Variants in DCP2 observed in about 807,000 individuals in gnomAD.
The protein encoded by DCP2 is m7GpppN-mRNA hydrolase.
DCP2 carries 30 observed loss-of-function variants against 56.1 expected under a neutral mutation model. The ratio of observed to expected loss-of-function variants is 0.53; its 90% CI spans 0.40 to 0.73. DCP2 has a LOEUF of 0.73. DCP2 is among the 30% of genes least tolerant of loss of function. The pLI is 0.00. For synonymous variants in DCP2, 197 were observed against 163.3 expected, an observed-to-expected ratio of 1.21 and a Z score of -1.57; for missense variants, 533 against 502.7, an observed-to-expected ratio of 1.06 and a Z score of -0.58.
intron 7 of DCP2, among the ~76,000 whole-genome samples, chr5:113,002,161 G>T (rs1173858803): frequency 6.6e-6 from 1 of 152,146 alleles, no homozygotes. Flanking sequence ...AGTGGCTCAC[G>T]CCTGTAATTC....
chr5:113,008,789 A>G (rs1464132281), intron 9 of DCP2, among the ~76,000 whole-genome samples: 2 of 152,144 alleles, frequency 1.3e-5, no homozygotes, highest in African/African-American at 4.8e-5. Flanking sequence ...ATCTTAGTAG[A>G]TGATTAAAAG....
chr5:113,000,346 G>A (rs908182709), intron 4 of DCP2, among the ~76,000 whole-genome samples: 1 of 151,172 alleles, frequency 6.6e-6, no homozygotes, highest in Non-Finnish European at 1.5e-5. Flanking sequence ...GAGATTGCAG[G>A]TGTGAGCCAC....
chr5:112,980,470 G>C (rs947052599), intron 1 of DCP2, among the ~76,000 whole-genome samples: 1 of 152,158 alleles, frequency 6.6e-6, no homozygotes, highest in African/African-American at 2.4e-5. Context: ...TAGGAACACT[G>C]AGAAAATAAC....
At chr5:112,997,846 C>T (rs150574724) in intron 4 of DCP2, among the ~76,000 whole-genome samples, 2,018 of 152,204 alleles carry the variant, frequency 0.013, 51 homozygotes, top group African/African-American at 0.046. Flanking sequence ...AACTCCTGAC[C>T]TCGTGATCCA....
chr5:113,001,496 C>G (rs1561698583), intron 6 of DCP2, 27 bp downstream of exon 6: 1 of 1,606,264 alleles, frequency 6.2e-7, no homozygotes, highest in East Asian at 2.2e-5. Context: ...TGAAATGTAA[C>G]TTTCATGATT....
chr5:112,982,975 G>C (rs1260770612), intron 1 of DCP2, among the ~76,000 whole-genome samples: 8 of 152,076 alleles, frequency 5.3e-5, no homozygotes, highest in Non-Finnish European at 1.0e-4. Flanking sequence ...TACACTTGAG[G>C]GTTTTTCATT....
chr5:112,984,958 T>C (rs1352336477), intron 1 of DCP2, among the ~76,000 whole-genome samples: 1 of 151,682 alleles, frequency 6.6e-6, no homozygotes, highest in Non-Finnish European at 1.5e-5. Flanking sequence ...CAGCCAAGAA[T>C]TATTTACTAT....
Position 113,001,601 on chromosome 5 carries a change from G to A in DCP2, c.733G>A (p.Asp245Asn), listed in dbSNP as rs762146807. The change falls in exon 7 of 11, where the codon GAT becomes AAT. Residue 245 changes from aspartate to asparagine, a missense_variant. By Grantham distance (23) the Asp-to-Asn change is conservative. Around this residue, in one of 3 missense-constraint regions of DCP2, gnomAD observed 392 missense variants for 346.6 expected, o/e 1.13. Coordinates refer to ENST00000389063, the MANE Select transcript of DCP2 (RefSeq NM_152624.6). ...GGACTGGCTTTCTCGAAGATTTGGC[G>A]ATTCCTCAGACAGTGACAATGGATT... Reference protein sequence around the residue: ...LRDWLSRRFGDSSDSDNGFSS... With the variant: ...LRDWLSRRFGNSSDSDNGFSS... 6 of 1,614,040 alleles carry A rather than the reference G, an allele frequency of 3.7e-6. No individual in the cohort carries two copies. Among genetic ancestry groups the A allele is most frequent in the East Asian group, 2.2e-5 (1 of 44,890 alleles).
chr5:112,985,358 T>G (rs568376232), intron 1 of DCP2, among the ~76,000 whole-genome samples: 1 of 152,338 alleles, frequency 6.6e-6, no homozygotes, highest in South Asian at 2.1e-4. Context: ...GAACTGAGGC[T>G]GTGCAGGTGA....
chr5:113,019,731 A>T lies in DCP2; in HGVS notation c.*6247A>T, dbSNP rs1381203564. 1 of 152,238 alleles carries T rather than the reference A, an allele frequency of 6.6e-6. No homozygotes were observed. The highest frequency in any genetic ancestry group is 1.9e-4 in the East Asian group (1 of 5,204). The allele number at this position is 152,238 out of a possible 1,614,324, so 9.4% of individuals were successfully genotyped here. ...AGTTTGCTTATTAGCTTAATACCTTATAGTACTTTTAAAAAATCATCCTTG... is the reference window on the plus strand; with the variant it reads ...AGTTTGCTTATTAGCTTAATACCTTTTAGTACTTTTAAAAAATCATCCTTG... On this transcript the variant is annotated 3_prime_UTR_variant, in exon 11 of 11. Transcript: ENST00000389063.
intron 8 of DCP2, among the ~76,000 whole-genome samples, chr5:113,006,117 CAAAAA>C (rs75106280): frequency 3.2e-5 from 2 of 62,442 alleles, no homozygotes; most frequent in African/African-American, 1.1e-4. Context: ...ACCCTATCTC[CAAAAA>C]AAAAAAAAAA....
At chr5:113,011,490 A>T (rs1749679283) in intron 10 of DCP2, among the ~76,000 whole-genome samples, 1 of 152,212 alleles carries the variant, frequency 6.6e-6, no homozygotes, top group Non-Finnish European at 1.5e-5. Flanking sequence ...TTTGAATTGT[A>T]TGAAATTTCC....
At position 113,017,682 on chromosome 5, in the gene DCP2, GAGA is replaced by G. The variant is rs1749945261; in HGVS notation, c.*4203_*4205del. On this transcript the variant is annotated 3_prime_UTR_variant, in exon 11 of 11. Transcript: ENST00000389063. ...TTATAGAATCAAAGTGTCCTGAAGG[GAGA>G]AGAATAGCTATAGTTGCTGGGCAAA... 1.3e-5 allele frequency: 2 copies of G among 152,140 alleles called. No homozygotes were observed. Among genetic ancestry groups the G allele is most frequent in the Admixed American group, 1.3e-4 (2 of 15,272 alleles). The allele number at this position is 152,140 out of a possible 1,614,324, so 9.4% of individuals were successfully genotyped here. A position where few individuals can be genotyped will look rare whatever the true frequency, so the allele number is the denominator to read the frequency against.
At chr5:113,004,153 A>G (rs1379250576) in intron 8 of DCP2, 76 bp downstream of exon 8, 6 of 1,509,010 alleles carry the variant, frequency 4.0e-6, no homozygotes, top group Non-Finnish European at 5.4e-6. Context: ...TTGGAGAATT[A>G]CATCTTAATA....
Position 112,992,394 on chromosome 5 carries a change from T to C in DCP2, c.333+146T>C, listed in dbSNP as rs115123374. On this transcript the variant is annotated intron_variant, in intron 3 of 10. Coordinates refer to ENST00000389063, the MANE Select transcript of DCP2 (RefSeq NM_152624.6). ...AAAAGGCCAAGCTTTGTATATTTTA[T>C]CCGCATGCTATGTCTGCAGATTTTT... The C allele has an allele frequency of 2.0e-3, 2,259 of 1,134,034 alleles. 50 individuals are homozygous for C. In the African/African-American group the frequency reaches 0.033, roughly 16 times the overall value. The allele number at this position is 1,134,034 out of a possible 1,614,324, so 70.2% of individuals were successfully genotyped here. A position where few individuals can be genotyped will look rare whatever the true frequency, so the allele number is the denominator to read the frequency against.
rs141163249 is a variant in DCP2 at position 113,021,250 on chromosome 5, C to T, written c.*7766C>T. ...GGCGTGGTGGTGCGTGTCTGTAGTC[C>T]CAGCTACTTGGGAGGCTGAGGCAGG... On this transcript the variant is annotated 3_prime_UTR_variant, in exon 11 of 11. Transcript: ENST00000389063. Among the ~76,000 whole-genome samples, 162 of 151,838 alleles carry T rather than the reference C, an allele frequency of 1.1e-3. No individual in the cohort carries two copies. The highest frequency in any genetic ancestry group is 3.7e-3 in the African/African-American group (152 of 41,378).
intron 2 of DCP2, among the ~76,000 whole-genome samples, chr5:112,988,160 G>A (rs1385685356): frequency 3.3e-5 from 5 of 151,870 alleles, no homozygotes; most frequent in South Asian, 2.1e-4. Flanking sequence ...TTTGAGCAAC[G>A]GTAAAGAATA....
intron 2 of DCP2, among the ~76,000 whole-genome samples, chr5:112,988,061 C>T (rs1471076694): frequency 6.6e-6 from 1 of 152,106 alleles, no homozygotes; most frequent in Non-Finnish European, 1.5e-5. Flanking sequence ...TTCCTTTAGC[C>T]TCATGAAGTA....
rs1489099955 is a variant in DCP2, at chr5:113,015,881, A to G, written c.*2397A>G. On this transcript the variant is annotated 3_prime_UTR_variant, in exon 11 of 11. Coordinates refer to ENST00000389063, the MANE Select transcript of DCP2 (RefSeq NM_152624.6). Reference sequence around the variant, plus strand: ...AGAAATTTTAGTATGGTTTGAGGAAATCAAGTGATAAAGGAGTATGCTGAA... The same window carrying G: ...AGAAATTTTAGTATGGTTTGAGGAAGTCAAGTGATAAAGGAGTATGCTGAA... 6.6e-6 allele frequency: 1 copy of G among 152,664 alleles called. No homozygotes were observed. The highest frequency in any genetic ancestry group is 1.5e-5 in the Non-Finnish European group (1 of 68,032). 9.5% of individuals were successfully genotyped at this position (152,664 alleles called of 1,614,324 possible).
Sources: gnomAD v4.1 joint callset for allele counts (sites outside exome capture counted in the v4.1 genomes callset) on GRCh38, gnomAD v4.1.1 for gene constraint, gnomAD v4.1.1 regional missense constraint, MANE v1.5 for transcripts, NCBI Gene and HGNC (gene_info 2026-07-23, HGNC 2026-07-21) for gene names.